The following SGCD variants were observed in gnomAD, a reference collection of about 807,000 sequenced individuals.
SGCD encodes delta-sarcoglycan.
Under a neutral mutation model 36.6 loss-of-function variants are expected in SGCD, and 18 were observed. That is an observed-to-expected ratio of 0.49 (90% CI 0.34 to 0.73). The LOEUF (loss-of-function observed/expected upper bound fraction) is 0.73, where lower values mean the gene tolerates loss of function less well. Ranked by LOEUF, SGCD falls within the 30% of genes least tolerant of loss-of-function variation. The pLI is 0.01. For missense variants in SGCD, 387 were observed against 346.7 expected, an observed-to-expected ratio of 1.12 and a Z score of -0.92; for synonymous variants, 133 against 130.6, an observed-to-expected ratio of 1.02 and a Z score of -0.12.
chr5:156,378,525 C>A (rs895439300), intron 3 of SGCD, among the ~76,000 whole-genome samples: 10 of 152,018 alleles, frequency 6.6e-5, no homozygotes, highest in Admixed American at 2.0e-4. Flanking sequence ...AAATGTTTTC[C>A]GTGTTGTGTC....
At chr5:156,632,186 A>G (rs1450374253) in intron 6 of SGCD, among the ~76,000 whole-genome samples, 1 of 152,016 alleles carries the variant, frequency 6.6e-6, no homozygotes, top group East Asian at 1.9e-4. Context: ...TTTGAAAATA[A>G]CTGATTAACC....
intron 1 of SGCD, among the ~76,000 whole-genome samples, chr5:155,940,849 C>A (rs537886514): frequency 2.1e-3 from 299 of 140,312 alleles, no homozygotes; most frequent in African/African-American, 7.8e-3. Context: ...CGTCTCAAAA[C>A]AAACAAACAA....
chr5:156,524,671 G>A (rs1244755458), intron 4 of SGCD, among the ~76,000 whole-genome samples: 1 of 151,846 alleles, frequency 6.6e-6, no homozygotes, highest in Non-Finnish European at 1.5e-5. Context: ...TCACCATGTT[G>A]TATATTAGGT....
the SGCD span, among the ~76,000 whole-genome samples, chr5:155,782,756 C>T: frequency 6.6e-6 from 1 of 152,092 alleles, no homozygotes. Flanking sequence ...GGAGCATGAA[C>T]CCTATTGTGA....
At chr5:155,738,915 G>C in the SGCD span, among the ~76,000 whole-genome samples, 13 of 147,014 alleles carry the variant, frequency 8.8e-5, no homozygotes, top group Non-Finnish European at 1.7e-4. Flanking sequence ...GTATGTGAGA[G>C]TGTGTTTGCG....
At chr5:156,456,012 G>A (rs1754241199) in intron 3 of SGCD, among the ~76,000 whole-genome samples, 1 of 152,158 alleles carries the variant, frequency 6.6e-6, no homozygotes, top group Admixed American at 6.5e-5. Context: ...CTGACACCTT[G>A]ATTTCAGACC....
At chr5:155,845,970 T>C in the SGCD span, among the ~76,000 whole-genome samples, 2 of 152,200 alleles carry the variant, frequency 1.3e-5, no homozygotes, top group African/African-American at 2.4e-5. Flanking sequence ...GTTTGCTTTT[T>C]TAAATTTCAC....
chr5:156,246,343 T>C (rs1321824536), intron 3 of SGCD, among the ~76,000 whole-genome samples: 2 of 152,194 alleles, frequency 1.3e-5, no homozygotes, highest in Non-Finnish European at 2.9e-5. Flanking sequence ...GGCAGGAGAC[T>C]GATGTGTAAG....
chr5:156,338,866 A>ACAAGTC (rs1027086216), intron 2 of SGCD, among the ~76,000 whole-genome samples: 9 of 152,166 alleles, frequency 5.9e-5, no homozygotes, highest in Admixed American at 2.6e-4. Flanking sequence ...GAGGTTCTTC[A>ACAAGTC]CAAGTCCAAG....
At chr5:155,905,729 G>A (rs1054393285) in intron 1 of SGCD, among the ~76,000 whole-genome samples, 3 of 152,038 alleles carry the variant, frequency 2.0e-5, no homozygotes, top group Admixed American at 1.3e-4. Context: ...TATTATTCTC[G>A]TGATAGTTAA....
rs192887790 is a variant in SGCD at position 156,577,345 on chromosome 5, G to C, written c.295-11886G>C. Among the ~76,000 whole-genome samples, 272 of 152,304 alleles carry C rather than the reference G, an allele frequency of 1.8e-3. No homozygotes were observed. The Middle Eastern group carries it at 0.044, about 25-fold the overall frequency. ...GCCTTGTGGAATGGTTTGAAGTCAG[G>C]TAAAGTGATTCCTCCAGCTTTGTTC... On this transcript the variant is annotated intron_variant, in intron 4 of 8. Transcript: ENST00000337851.
At chr5:155,910,359 G>C (rs1352108058) in intron 1 of SGCD, among the ~76,000 whole-genome samples, 3 of 152,052 alleles carry the variant, frequency 2.0e-5, no homozygotes, top group Non-Finnish European at 2.9e-5. Flanking sequence ...AAATAATAAA[G>C]TTGAAGGATT....
chr5:156,635,994 C>A (rs1001381669), intron 6 of SGCD, among the ~76,000 whole-genome samples: 5 of 151,892 alleles, frequency 3.3e-5, no homozygotes, highest in African/African-American at 1.2e-4. Flanking sequence ...ATGTAACAAA[C>A]CTGCCGGTTG....
intron 3 of SGCD, among the ~76,000 whole-genome samples, chr5:156,400,790 G>T (rs1270365312): frequency 6.6e-6 from 1 of 152,178 alleles, no homozygotes; most frequent in Non-Finnish European, 1.5e-5. Flanking sequence ...TCATAAGTTT[G>T]CTAAATTCCA....
At chr5:156,250,138 G>A (rs1429142140) in intron 3 of SGCD, among the ~76,000 whole-genome samples, 1 of 152,150 alleles carries the variant, frequency 6.6e-6, no homozygotes, top group Non-Finnish European at 1.5e-5. Context: ...TATGTCCATG[G>A]AAATCAACAT....
At chr5:156,495,052 C>T (rs937092858) in intron 3 of SGCD, among the ~76,000 whole-genome samples, 2 of 152,124 alleles carry the variant, frequency 1.3e-5, no homozygotes, top group Non-Finnish European at 2.9e-5. Context: ...TCTTTTTTCA[C>T]TGAGCAATCA....
At chr5:155,839,047 G>A in the SGCD span, among the ~76,000 whole-genome samples, 2 of 152,038 alleles carry the variant, frequency 1.3e-5, no homozygotes, top group East Asian at 1.9e-4. Flanking sequence ...TAGGGAAAGA[G>A]GTGGGTAGGA....
At chr5:156,397,190 G>A (rs1771902560) in intron 3 of SGCD, among the ~76,000 whole-genome samples, 1 of 152,176 alleles carries the variant, frequency 6.6e-6, no homozygotes, top group Non-Finnish European at 1.5e-5. Flanking sequence ...CAATAAGGAG[G>A]AGGGAGAGAA....
At chr5:156,730,287 G>C (rs181605866) in intron 7 of SGCD, among the ~76,000 whole-genome samples, 2 of 152,206 alleles carry the variant, frequency 1.3e-5, no homozygotes, top group East Asian at 3.9e-4. Context: ...AGGTAAACTT[G>C]TGACATGGGT....
Sources: allele counts gnomAD v4.1 joint callset (sites outside exome capture counted in the v4.1 genomes callset), GRCh38; gene constraint gnomAD v4.1.1; transcripts MANE v1.5; gene names NCBI Gene and HGNC (gene_info 2026-07-23, HGNC 2026-07-21).